The following ZNF585B variants were observed in gnomAD, a reference collection of about 807,000 sequenced individuals.
The protein encoded by ZNF585B is zinc finger protein 41-like protein.
In ZNF585B, 7 loss-of-function variants were observed where a neutral mutation model predicts 14.0. The ratio of observed to expected loss-of-function variants is 0.50; its 90% confidence interval spans 0.28 to 0.94. ZNF585B has a LOEUF of 0.94. Ranked by LOEUF, ZNF585B falls within the 40% of genes least tolerant of loss-of-function variation. The probability of loss-of-function intolerance (pLI) is 0.09; values close to 1 mark genes in which losing one functional copy is unlikely to be tolerated. For missense variants in ZNF585B, 750 were observed against 924.4 expected (o/e 0.81, Z 2.45); for synonymous variants, 290 against 317.3 (o/e 0.91, Z 0.91).
chr19:37,186,585 G>T lies in ZNF585B; in HGVS notation c.952C>A (p.Arg318Ser), dbSNP rs111650421. The T allele has an allele frequency of 1.7e-5, 27 of 1,614,194 alleles. No individual in the cohort carries two copies. The African/African-American group carries it at 2.5e-4, about 15-fold the overall frequency. Residue 318 changes from arginine to serine, a missense_variant, in exon 5 of 5, where the codon CGT (arginine) becomes AGT (serine). Coordinates refer to ENST00000532828, the MANE Select transcript of ZNF585B (RefSeq NM_152279.4). Reference protein sequence around the residue: ...ISKSQLQVHQRVHTRVKPYIC... With the variant: ...ISKSQLQVHQSVHTRVKPYIC... ...TAGGGCTTCACTCTTGTGTGAACAC[G>T]TTGATGTACCTGAAGTTGTGACTTG...
rs200913496 is a variant in ZNF585B, at chr19:37,185,232, C to G, written c.2305G>C (p.Ala769Pro). 6.2e-7 allele frequency: 1 copy of G among 1,609,876 alleles called. No individual in the cohort carries two copies. The highest frequency in any genetic ancestry group is 8.5e-7 in the Non-Finnish European group (1 of 1,177,220). The part of the protein sequence containing the change: ...SVFSVHQSSH[A>P] ...GTTTTCTCACACTGTTTCTCTCAAG[C>G]GTGGCTGCTCTGATGAACACTGAAC... Residue 769 changes from alanine to proline, a missense_variant, in exon 5 of 5, where the codon GCT becomes CCT. Physicochemically the swap from Ala to Pro is conservative, Grantham distance 27. Coordinates refer to ENST00000532828, the MANE Select transcript of ZNF585B (RefSeq NM_152279.4).
chr19:37,190,537 C>A (rs896001856), intron 2 of ZNF585B: 5 of 161,208 alleles, frequency 3.1e-5, no homozygotes, highest in African/African-American at 4.8e-5. Flanking sequence ...CAAGCTTGAG[C>A]CACCGCATCT....
At chr19:37,190,348 TG>T (rs1259618975) in intron 2 of ZNF585B, 198 bp from the exon 3 acceptor site, 9 of 536,778 alleles carry the variant, frequency 1.7e-5, no homozygotes, top group Non-Finnish European at 2.4e-5. Context: ...CGGGTTCAAG[TG>T]ATTCTCCTGC....
At chr19:37,200,618 A>G (rs1158618448) in intron 2 of ZNF585B, among the ~76,000 whole-genome samples, 5 of 151,572 alleles carry the variant, frequency 3.3e-5, no homozygotes, top group Admixed American at 6.6e-5. Flanking sequence ...GGAAATAAGG[A>G]GTTTCAAAAA....
In ZNF585B at chr19:37,185,423, A is replaced by T. The variant is rs1220543826; in HGVS notation, c.2114T>A (p.Leu705His). 1 of 1,613,590 alleles carries T rather than the reference A, an allele frequency of 6.2e-7. No individual in the cohort carries two copies. Among genetic ancestry groups the T allele is most frequent in the Non-Finnish European group, 8.5e-7 (1 of 1,179,850 alleles). Residue 705 changes from leucine to histidine, a missense_variant, in exon 5 of 5, where the codon CTC becomes CAC. Leu to His is a moderately conservative substitution (Grantham distance 99, BLOSUM62 -3). This residue lies in a region of ZNF585B where 233 missense variants were observed against 354.1 expected (regional missense o/e 0.66). Transcript: ENST00000532828. ...AGTGTGAATTCGCTGATGCACTTGGAGCTGTGATTTTTTAGTGAAAGACTT... is the reference window on the plus strand; with the variant it reads ...AGTGTGAATTCGCTGATGCACTTGGTGCTGTGATTTTTTAGTGAAAGACTT... The part of the protein sequence containing the change: ...CGKSFTKKSQ[L>H]QVHQRIHTGE...
At chr19:37,191,383 C>A (rs1174589793) in intron 2 of ZNF585B, among the ~76,000 whole-genome samples, 1 of 151,970 alleles carries the variant, frequency 6.6e-6, no homozygotes, top group African/African-American at 2.4e-5. Flanking sequence ...TTTGGGAGGC[C>A]AAGGTAGGTA....
At chr19:37,205,021 T>TATA (rs1239929768) in intron 2 of ZNF585B, among the ~76,000 whole-genome samples, 1 of 152,174 alleles carries the variant, frequency 6.6e-6, no homozygotes, top group African/African-American at 2.4e-5. Context: ...GTGCTGGGAT[T>TATA]ATAAGTGTGA....
At chr19:37,201,570 C>T (rs904871220) in intron 2 of ZNF585B, among the ~76,000 whole-genome samples, 1 of 152,100 alleles carries the variant, frequency 6.6e-6, no homozygotes, top group Non-Finnish European at 1.5e-5. Context: ...GTGTAACATT[C>T]AGAAATGTTA....
rs1972343592 is a variant in ZNF585B at position 37,186,966 on chromosome 19, A to G, written c.571T>C (p.Cys191Arg). ...GATACTTGAAAAAAGGATTTTCCACATTCATTGCACTTATAGGGCTTCTCT... is the reference window on the plus strand; with the variant it reads ...GATACTTGAAAAAAGGATTTTCCACGTTCATTGCACTTATAGGGCTTCTCT... ...MREKPYKCNE[C>R]GKSFFQVSSL... Residue 191 changes from cysteine to arginine, a missense_variant, in exon 5 of 5, where the codon TGT becomes CGT. By Grantham distance (180) the Cys-to-Arg change is radical. This residue lies in a region of ZNF585B where 517 missense variants were observed against 570.3 expected (regional missense o/e 0.91). Transcript: ENST00000532828. 2 of 1,614,064 alleles carry G rather than the reference A, an allele frequency of 1.2e-6. No homozygotes were observed. The highest frequency in any genetic ancestry group is 1.1e-5 in the South Asian group (1 of 91,088).
chr19:37,185,934 A>G lies in ZNF585B; in HGVS notation c.1603T>C (p.Ser535Pro). 6.2e-7 allele frequency: 1 copy of G among 1,614,036 alleles called. No individual in the cohort carries two copies. Among genetic ancestry groups the G allele is most frequent in the Middle Eastern group, 1.6e-4 (1 of 6,062 alleles). The change falls in exon 5 of 5, where the codon TCA becomes CCA. Residue 535 changes from serine to proline, a missense_variant. Coordinates refer to ENST00000532828, the MANE Select transcript of ZNF585B (RefSeq NM_152279.4). ...ATTTTCTGATGTATATTAAGATTTG[A>G]CTTCTGAGTAAAGGCTTTTCCACAA... The part of the protein sequence containing the change: ...NTCGKAFTQK[S>P]NLNIHQKIHT...
At chr19:37,192,517 A>AAT (rs1555778872) in intron 2 of ZNF585B, among the ~76,000 whole-genome samples, 68 of 137,608 alleles carry the variant, frequency 4.9e-4, no homozygotes, top group African/African-American at 1.6e-3. Context: ...AAAAAAAAAA[A>AAT]AAATAAAATA....
At chr19:37,191,907 G>A (rs571932441) in intron 2 of ZNF585B, among the ~76,000 whole-genome samples, 3 of 152,182 alleles carry the variant, frequency 2.0e-5, no homozygotes, top group East Asian at 1.9e-4. Flanking sequence ...GCGAGCACCT[G>A]TAATCCCAGC....
Position 37,207,046 on chromosome 19 carries a change from G to A in ZNF585B, c.66C>T (p.Ser22=). Residue 22 remains serine (S), a synonymous_variant, in exon 2 of 5, where the codon TCC becomes TCT. Transcript: ENST00000532828. ...TGGGACTCCTCCTCCTCACCTCATA[G>A]GAGCTGCCATGATCCTCTGGAGCCA... ...SALAPEDHGS[S]YEGSVSFRDV... The A allele has an allele frequency of 6.2e-7, 1 of 1,613,998 alleles. No homozygotes were observed. Among genetic ancestry groups the A allele is most frequent in the East Asian group, 2.2e-5 (1 of 44,866 alleles).
rs142195228 is a variant in ZNF585B, at chr19:37,184,496, G to GAA, written c.*729_*730dup. 5.4e-4 allele frequency: 49 copies of GAA among 91,456 alleles called. 5 individuals carry two copies. Among genetic ancestry groups the GAA allele is most frequent in the African/African-American group, 2.2e-3 (48 of 21,768 alleles). 5.7% of individuals were successfully genotyped at this position (91,456 alleles called of 1,614,324 possible). On this transcript the variant is annotated 3_prime_UTR_variant, in exon 5 of 5. Transcript: ENST00000532828. ...AGAAAGAAAGAAAGAAAGAAAGAAA[G>GAA]AAAGAAAGAGAAAGAAAGAAAGAAA...
At chr19:37,190,935 A>T (rs929338653) in intron 2 of ZNF585B, among the ~76,000 whole-genome samples, 1 of 152,200 alleles carries the variant, frequency 6.6e-6, no homozygotes, top group Non-Finnish European at 1.5e-5. Context: ...TTAAACATAC[A>T]GAAAATTAGA....
Position 37,185,549 on chromosome 19 carries a change from A to G in ZNF585B, c.1988T>C (p.Ile663Thr), listed in dbSNP as rs757068364. 6.2e-7 allele frequency: 1 copy of G among 1,612,620 alleles called. No individual in the cohort carries two copies. The highest frequency in any genetic ancestry group is 1.7e-5 in the Admixed American group (1 of 59,828). ...QKTHTGEKPYICSECGKTFRQ... is the reference protein window; with the variant it reads ...QKTHTGEKPYTCSECGKTFRQ... ...AAAGGTCTTCCCACATTCAGAACAAATGTAGGGCTTTTCTCCGGTATGAGT... is the reference window on the plus strand; with the variant it reads ...AAAGGTCTTCCCACATTCAGAACAAGTGTAGGGCTTTTCTCCGGTATGAGT... Residue 663 changes from isoleucine (I) to threonine (T), a missense_variant, in exon 5 of 5, where the codon ATT (isoleucine) becomes ACT (threonine). Ile to Thr is a moderately conservative substitution (Grantham distance 89). This residue lies in a region of ZNF585B where 233 missense variants were observed against 354.1 expected (regional missense o/e 0.66). Transcript: ENST00000532828.
At chr19:37,209,715 G>A (rs1972625550) in intron 1 of ZNF585B, among the ~76,000 whole-genome samples, 2 of 147,962 alleles carry the variant, frequency 1.4e-5, no homozygotes, top group South Asian at 2.1e-4. Context: ...GAAACATAAA[G>A]TGCACTTCTT....
At position 37,186,555 on chromosome 19, in the gene ZNF585B, A is replaced by C. The variant is rs202007703; in HGVS notation, c.982T>G (p.Cys328Gly). The C allele has an allele frequency of 1.5e-5, 24 of 1,614,214 alleles. No individual in the cohort carries two copies. In the Admixed American group the frequency reaches 2.2e-4, roughly 15 times the overall value. The change falls in exon 5 of 5, where the codon TGT becomes GGT. Residue 328 changes from cysteine to glycine, a missense_variant. By Grantham distance (159) the Cys-to-Gly change is radical. Coordinates refer to ENST00000532828, the MANE Select transcript of ZNF585B (RefSeq NM_152279.4). ...RVHTRVKPYI[C>G]TEYGKVFSNN... ...CTGAAGACCTTCCCATATTCGGTAC[A>C]TATATAGGGCTTCACTCTTGTGTGA...
intron 4 of ZNF585B, 75 bp downstream of exon 4, chr19:37,189,586 A>G (rs1599763234): frequency 6.4e-7 from 1 of 1,551,628 alleles, no homozygotes; most frequent in Non-Finnish European, 8.9e-7. Context: ...CACAGGTTCC[A>G]GTGTTTTTCA....
Sources: allele counts gnomAD v4.1 joint callset (sites outside exome capture counted in the v4.1 genomes callset), GRCh38; gene constraint gnomAD v4.1.1; regional missense constraint gnomAD v4.1.1; transcripts MANE v1.5; gene names NCBI Gene and HGNC (gene_info 2026-07-23, HGNC 2026-07-21).